ATP11A: variants seen among roughly 807,000 people sequenced by gnomAD.
ATP11A encodes the protein ATPase phospholipid transporting 11A, also known as phospholipid-transporting ATPase IH.
ATP11A carries 81 observed loss-of-function variants against 154.4 expected under a neutral mutation model. The ratio of observed to expected loss-of-function variants is 0.52; its 90% confidence interval spans 0.44 to 0.63. The LOEUF (loss-of-function observed/expected upper bound fraction) is 0.63. Among genes scored for constraint, ATP11A ranks in the 30% least tolerant of loss-of-function variants. ATP11A has a pLI of 0.00. For synonymous variants in ATP11A, 623 were observed against 585.9 expected, an observed-to-expected ratio of 1.06 and a Z score of -0.91; for missense variants, 1,316 against 1,474.3, an observed-to-expected ratio of 0.89 and a Z score of 1.76.
Position 112,873,618 on chromosome 13 carries a change from A to T in ATP11A, c.3103A>T (p.Ile1035Phe), listed in dbSNP as rs1033642099. 4.3e-6 allele frequency: 7 copies of T among 1,612,464 alleles called. No homozygotes were observed. The highest frequency in any genetic ancestry group is 2.7e-5 in the African/African-American group (2 of 74,630). Residue 1035 changes from isoleucine (I) to phenylalanine (F), a missense_variant, in exon 27 of 30, where the codon ATC becomes TTC. Ile to Phe is a conservative substitution (Grantham distance 21). Coordinates refer to ENST00000375645, the MANE Select transcript of ATP11A (RefSeq NM_015205.3). ...HYWTWINHFVIWGSLLFYVVF... is the reference protein window; with the variant it reads ...HYWTWINHFVFWGSLLFYVVF... The stretch of plus-strand genomic sequence containing the variant: ...CTGGACTTGGATCAACCATTTTGTC[A>T]TCTGGGGGTCGCTGCTGTTCTACGT...
intron 25 of ATP11A, among the ~76,000 whole-genome samples, chr13:112,865,190 C>A (rs77562727): frequency 1.3e-3 from 67 of 50,494 alleles, no homozygotes; most frequent in African/African-American, 4.0e-3. Context: ...CCATCACCAC[C>A]TGCGCAGTAA....
chr13:112,848,968 G>A (rs1033577845), intron 17 of ATP11A, among the ~76,000 whole-genome samples: 17 of 152,328 alleles, frequency 1.1e-4, no homozygotes, highest in African/African-American at 3.6e-4. Context: ...GATTACAGGC[G>A]TGAGCCATCA....
At chr13:112,827,595 C>T (rs541837944) in intron 12 of ATP11A, among the ~76,000 whole-genome samples, 10 of 152,262 alleles carry the variant, frequency 6.6e-5, no homozygotes, top group Non-Finnish European at 1.0e-4. Context: ...ACCTTCCCTA[C>T]CTTCCCAGCC....
intron 1 of ATP11A, among the ~76,000 whole-genome samples, chr13:112,740,725 C>T (rs766987550): frequency 6.6e-6 from 1 of 152,208 alleles, no homozygotes; most frequent in African/African-American, 2.4e-5. Context: ...CCACCGGTCT[C>T]CTCCCCACAG....
Position 112,855,858 on chromosome 13 carries a change from A to G in ATP11A, c.2244-53A>G, listed in dbSNP as rs2079906135. ...TATCCAAAAACAATACAGTCTTCTA[A>G]AATCTATAGATTTAGTGATTGAGCA... On this transcript the variant is annotated intron_variant, in intron 19 of 29. Coordinates refer to ENST00000375645, the MANE Select transcript of ATP11A (RefSeq NM_015205.3). 8.0e-6 allele frequency: 12 copies of G among 1,507,822 alleles called. 1 individual carries two copies. In the South Asian group the frequency reaches 1.4e-4, roughly 18 times the overall value. 93.4% of individuals were successfully genotyped at this position (1,507,822 alleles called of 1,614,324 possible).
chr13:112,829,064 G>A (rs372046793), intron 12 of ATP11A, among the ~76,000 whole-genome samples: 70 of 152,292 alleles, frequency 4.6e-4, no homozygotes, highest in African/African-American at 1.2e-3. Flanking sequence ...CTATTGCGCC[G>A]TTTCTCAAAT....
chr13:112,877,087 A>G (rs978723934), intron 28 of ATP11A, among the ~76,000 whole-genome samples: 4 of 152,238 alleles, frequency 2.6e-5, no homozygotes, highest in African/African-American at 9.6e-5. Context: ...CTGCCTCTCA[A>G]TGTAGTGAAA....
chr13:112,804,930 A>T (rs2078280934), intron 2 of ATP11A, 27 bp from the exon 3 acceptor site: 2 of 1,438,668 alleles, frequency 1.4e-6, no homozygotes. Context: ...GATCTCAATG[A>T]TGGATGTTTG....
intron 12 of ATP11A, among the ~76,000 whole-genome samples, chr13:112,828,840 C>T (rs1412480295): frequency 2.0e-5 from 3 of 152,196 alleles, no homozygotes; most frequent in Non-Finnish European, 4.4e-5. Context: ...CTGACCGCAG[C>T]TCTGTGGGTA....
intron 12 of ATP11A, among the ~76,000 whole-genome samples, chr13:112,827,348 G>A (rs973027950): frequency 3.3e-5 from 5 of 152,342 alleles, no homozygotes; most frequent in African/African-American, 9.6e-5. Context: ...GCGGGAGCTC[G>A]GGCTTCACCG....
rs756453812 is a variant in ATP11A at position 112,842,264 on chromosome 13, C to T, written c.1706-12C>T. ...TATTGTGATTAAACTCCTCATTTTT[C>T]TCATTTTGTAGGAGAAATTTATCTG... On this transcript the variant is annotated splice_polypyrimidine_tract_variant and intron_variant, in intron 16 of 29. Coordinates refer to ENST00000375645, the MANE Select transcript of ATP11A (RefSeq NM_015205.3). 3 of 1,590,254 alleles carry T rather than the reference C, an allele frequency of 1.9e-6. No individual in the cohort carries two copies. In the Admixed American group the frequency reaches 5.2e-5, roughly 27 times the overall value.
chr13:112,696,683 G>A lies in ATP11A; in HGVS notation c.39+6228G>A, dbSNP rs983525507. ...CTGTCTCTTCTGTGCCTACCGCGGG[G>A]GGTTCCCTTACCAAGGTCTCCATCA... On this transcript the variant is annotated intron_variant, in intron 1 of 29. Transcript: ENST00000375645. This position sits in a 1 kb window ranked among gnomAD's most constrained non-coding sequence, Gnocchi z 6.2. 32 of 152,298 alleles carry A rather than the reference G, an allele frequency of 2.1e-4. No individual in the cohort carries two copies. Among genetic ancestry groups the A allele is most frequent in the African/African-American group, 7.0e-4 (29 of 41,536 alleles). 9.4% of individuals were successfully genotyped at this position (152,298 alleles called of 1,614,324 possible). A position where few individuals can be genotyped will look rare whatever the true frequency, so the allele number is the denominator to read the frequency against.
intron 1 of ATP11A, among the ~76,000 whole-genome samples, chr13:112,760,134 C>T (rs1174502879): frequency 4.6e-5 from 7 of 152,228 alleles, no homozygotes; most frequent in Non-Finnish European, 1.0e-4. Flanking sequence ...ATCTTATAAA[C>T]AAAACGTGAG....
intron 1 of ATP11A, among the ~76,000 whole-genome samples, chr13:112,727,199 C>CTGTAATTTTGTATTTTTAGT (rs1488713628): frequency 6.6e-6 from 1 of 152,168 alleles, no homozygotes. Flanking sequence ...AGGCATGTGC[C>CTGTAATTTTGTATTTTTAGT]ACCATGCCTG....
Position 112,832,810 on chromosome 13 carries a change from T to G in ATP11A, c.1396-50T>G, listed in dbSNP as rs758957038. 6.0e-5 allele frequency: 95 copies of G among 1,584,802 alleles called. 1 individual carries two copies. Among genetic ancestry groups the G allele is most frequent in the Non-Finnish European group, 7.7e-5 (90 of 1,161,416 alleles). On this transcript the variant is annotated intron_variant, in intron 13 of 29. Coordinates refer to ENST00000375645, the MANE Select transcript of ATP11A (RefSeq NM_015205.3). ...CTCTCTGCGCCTGTTTCCCTCTATCTTCAGTGGACGCACCGTGATTTGGGG... is the reference window on the plus strand; with the variant it reads ...CTCTCTGCGCCTGTTTCCCTCTATCGTCAGTGGACGCACCGTGATTTGGGG...
chr13:112,718,045 C>T (rs1018029262), intron 1 of ATP11A, among the ~76,000 whole-genome samples: 1 of 152,218 alleles, frequency 6.6e-6, no homozygotes, highest in African/African-American at 2.4e-5. Context: ...CACTGCACTG[C>T]AGCCTGAGTG....
At chr13:112,879,234 G>A (rs2140445426) in intron 29 of ATP11A, among the ~76,000 whole-genome samples, 1 of 152,308 alleles carries the variant, frequency 6.6e-6, no homozygotes, top group African/African-American at 2.4e-5. Context: ...AGCAGAAAAA[G>A]GCTTCTTTTC....
chr13:112,703,377 A>G (rs956788255), intron 1 of ATP11A: 4 of 152,248 alleles, frequency 2.6e-5, no homozygotes, highest in African/African-American at 9.6e-5. Flanking sequence ...CTTCAGGTCC[A>G]ATCACATTAG....
At chr13:112,707,464 GC>G (rs1242015820) in intron 1 of ATP11A, among the ~76,000 whole-genome samples, 1 of 151,660 alleles carries the variant, frequency 6.6e-6, no homozygotes, top group African/African-American at 2.4e-5. Flanking sequence ...GGAGACGAGG[GC>G]CTTGAAGGTG....
Sources: allele counts gnomAD v4.1 joint callset (sites outside exome capture counted in the v4.1 genomes callset), GRCh38; gene constraint gnomAD v4.1.1; non-coding constraint Gnocchi (gnomAD v3.1); transcripts MANE v1.5; gene names NCBI Gene and HGNC (gene_info 2026-07-23, HGNC 2026-07-21).